The following MAF variants were observed in gnomAD, a reference collection of about 807,000 sequenced individuals.
MAF encodes the protein MAF bZIP transcription factor, also known as transcription factor Maf.
Under a neutral mutation model 22.0 loss-of-function variants are expected in MAF, and 10 were observed. That is an observed-to-expected ratio of 0.45 (90% CI 0.28 to 0.77). The LOEUF is 0.77. Ranked by LOEUF, MAF falls within the 30% of genes least tolerant of loss-of-function variation. The pLI, the probability that MAF is intolerant of heterozygous loss-of-function variation, is 0.12. For synonymous variants in MAF, 337 were observed against 255.8 expected, an observed-to-expected ratio of 1.32 and a Z score of -3.03; for missense variants, 544 against 548.4, an observed-to-expected ratio of 0.99 and a Z score of 0.08.
At chr16:79,494,320 A>G in the MAF span, among the ~76,000 whole-genome samples, 40 of 152,284 alleles carry the variant, frequency 2.6e-4, no homozygotes, top group African/African-American at 9.6e-4. Flanking sequence ...ATTTAGCTCC[A>G]TGCAGTTGTA....
the MAF span, among the ~76,000 whole-genome samples, chr16:79,214,632 C>T: frequency 6.6e-6 from 1 of 150,720 alleles, no homozygotes; most frequent in East Asian, 1.9e-4. Context: ...GTCTTGAACT[C>T]CTGACCTTGT....
the MAF span, among the ~76,000 whole-genome samples, chr16:79,291,859 T>A: frequency 1.3e-5 from 2 of 149,914 alleles, no homozygotes; most frequent in Non-Finnish European, 3.0e-5. Flanking sequence ...GGGTATCACC[T>A]CTCCTGGTGA....
the MAF span, chr16:79,211,576 A>G: frequency 6.2e-7 from 1 of 1,607,964 alleles, no homozygotes; most frequent in Non-Finnish European, 8.5e-7. Flanking sequence ...TTTTCTTAAA[A>G]TTTTTTTTTG....
the MAF span, among the ~76,000 whole-genome samples, chr16:79,298,872 C>G: frequency 6.6e-6 from 1 of 152,230 alleles, no homozygotes; most frequent in African/African-American, 2.4e-5. Context: ...TGTACCATCG[C>G]CCAGCAAGTT....
chr16:79,500,347 A>AGGT, the MAF span, among the ~76,000 whole-genome samples: 3 of 152,302 alleles, frequency 2.0e-5, no homozygotes, highest in African/African-American at 7.2e-5. Context: ...GTTGCCTACT[A>AGGT]GGTGGTATGT....
the MAF span, among the ~76,000 whole-genome samples, chr16:79,493,132 G>GTTTTTT: frequency 7.1e-6 from 1 of 140,784 alleles, no homozygotes; most frequent in Non-Finnish European, 1.5e-5. Context: ...TAATCTTTCT[G>GTTTTTT]TTTTTTTTTT....
chr16:79,430,570 G>A, the MAF span, among the ~76,000 whole-genome samples: 7 of 152,176 alleles, frequency 4.6e-5, no homozygotes, highest in Non-Finnish European at 8.8e-5. Flanking sequence ...CCCGGCACAC[G>A]GCAGGCACAG....
the MAF span, among the ~76,000 whole-genome samples, chr16:79,387,578 TGTGA>T: frequency 6.6e-6 from 1 of 152,192 alleles, no homozygotes; most frequent in Admixed American, 6.5e-5. Flanking sequence ...ACTCTGAGGC[TGTGA>T]GTGTGTATAT....
the MAF span, among the ~76,000 whole-genome samples, chr16:79,424,332 T>A: frequency 6.6e-6 from 1 of 152,184 alleles, no homozygotes; most frequent in Non-Finnish European, 1.5e-5. Flanking sequence ...GGAATTCGAA[T>A]TCAATACCAC....
At chr16:79,411,331 G>C in the MAF span, among the ~76,000 whole-genome samples, 2 of 152,152 alleles carry the variant, frequency 1.3e-5, no homozygotes, top group African/African-American at 4.8e-5. Context: ...TATTGACTTG[G>C]ACATGAACAT....
At chr16:79,381,098 G>A in the MAF span, among the ~76,000 whole-genome samples, 2 of 152,222 alleles carry the variant, frequency 1.3e-5, no homozygotes, top group African/African-American at 4.8e-5. Context: ...ACATGTGCAC[G>A]CTAACCTTTG....
At chr16:79,454,886 C>T in the MAF span, among the ~76,000 whole-genome samples, 4 of 152,176 alleles carry the variant, frequency 2.6e-5, no homozygotes, top group East Asian at 5.8e-4. Context: ...CACCTGAGGT[C>T]GGGAGTTCGA....
the MAF span, among the ~76,000 whole-genome samples, chr16:79,310,265 G>T: frequency 6.6e-6 from 1 of 152,128 alleles, no homozygotes; most frequent in Non-Finnish European, 1.5e-5. Flanking sequence ...TTTGCATGTA[G>T]GGAGGGAAAA....
the MAF span, among the ~76,000 whole-genome samples, chr16:79,293,775 C>G: frequency 2.6e-5 from 4 of 151,624 alleles, no homozygotes; most frequent in African/African-American, 7.3e-5. Context: ...TTGTTGGATG[C>G]TAGAAACAAG....
At chr16:79,412,833 A>G in the MAF span, among the ~76,000 whole-genome samples, 1 of 152,212 alleles carries the variant, frequency 6.6e-6, no homozygotes, top group East Asian at 1.9e-4. Context: ...GGGAGGCGGC[A>G]CTAGAGATAA....
At chr16:79,278,917 G>T in the MAF span, among the ~76,000 whole-genome samples, 1 of 152,206 alleles carries the variant, frequency 6.6e-6, no homozygotes, top group African/African-American at 2.4e-5. Context: ...GGTTCCTGGG[G>T]AATGGGGCCA....
At chr16:79,475,680 G>C in the MAF span, among the ~76,000 whole-genome samples, 4 of 152,134 alleles carry the variant, frequency 2.6e-5, no homozygotes, top group Non-Finnish European at 4.4e-5. Context: ...GGGCAGCTAA[G>C]ATTTGTGCAT....
chr16:79,556,403 C>T, the MAF span, among the ~76,000 whole-genome samples: 3 of 152,174 alleles, frequency 2.0e-5, no homozygotes, highest in African/African-American at 4.8e-5. Flanking sequence ...TCTGGTTTAG[C>T]ATGTTGACTG....
the MAF span, among the ~76,000 whole-genome samples, chr16:79,239,175 G>A: frequency 2.6e-5 from 4 of 152,110 alleles, no homozygotes; most frequent in African/African-American, 7.2e-5. Context: ...TGTAACTCTC[G>A]GTTTTGTCAA....
Sources: allele counts gnomAD v4.1 joint callset (sites outside exome capture counted in the v4.1 genomes callset), GRCh38; gene constraint gnomAD v4.1.1; transcripts MANE v1.5; gene names NCBI Gene and HGNC (gene_info 2026-07-23, HGNC 2026-07-21).